The following DPH6 variants were observed in gnomAD, a reference collection of about 807,000 sequenced individuals.
DPH6 encodes diphthamine biosynthesis 6, also known as diphthine--ammonia ligase.
DPH6 carries 33 observed loss-of-function variants against 38.2 expected under a neutral mutation model. That is an observed-to-expected ratio of 0.86 (90% confidence interval 0.65 to 1.15). The LOEUF (loss-of-function observed/expected upper bound fraction) is 1.15, where lower values mean the gene tolerates loss of function less well. Ranked by LOEUF, DPH6 falls within the 50% of genes most tolerant of loss-of-function variation. The pLI, the probability that DPH6 is intolerant of heterozygous loss-of-function variation, is 0.00. For synonymous variants in DPH6, 108 were observed against 103.0 expected (o/e 1.05, Z -0.30); for missense variants, 325 against 320.0 (o/e 1.02, Z -0.12).
intron 3 of DPH6, among the ~76,000 whole-genome samples, chr15:35,455,675 G>A (rs1006594347): frequency 6.6e-6 from 1 of 152,168 alleles, no homozygotes; most frequent in Non-Finnish European, 1.5e-5. Flanking sequence ...CAATATGGGT[G>A]TAAACTAGGG....
intron 7 of DPH6, among the ~76,000 whole-genome samples, chr15:35,379,120 T>C (rs1446552674): frequency 6.6e-6 from 1 of 152,202 alleles, no homozygotes; most frequent in Admixed American, 6.5e-5. Context: ...GTCACTTGAG[T>C]CTACTTCCGT....
At chr15:35,425,064 T>TCG (rs2141020333) in intron 5 of DPH6, among the ~76,000 whole-genome samples, 1 of 151,738 alleles carries the variant, frequency 6.6e-6, no homozygotes, top group South Asian at 2.1e-4. Context: ...CACATATAGT[T>TCG]GAGACAGCAA....
the DPH6 span, among the ~76,000 whole-genome samples, chr15:35,197,747 G>A: frequency 6.6e-6 from 1 of 152,186 alleles, no homozygotes; most frequent in South Asian, 2.1e-4. Context: ...GCATTGGTCT[G>A]AGAAATAGCC....
chr15:35,245,382 G>A (rs192940881), intron 3 of DPH6, among the ~76,000 whole-genome samples: 4,815 of 151,820 alleles, frequency 0.032, 260 homozygotes, highest in African/African-American at 0.11. Context: ...GGGACTACAG[G>A]CGCCCGCCAC....
chr15:35,212,099 C>T, the DPH6 span, among the ~76,000 whole-genome samples: 3 of 152,132 alleles, frequency 2.0e-5, no homozygotes, highest in African/African-American at 4.8e-5. Flanking sequence ...TTTAGAAAGG[C>T]GCCCAGATAC....
At chr15:35,515,558 A>G (rs983974241) in intron 3 of DPH6, among the ~76,000 whole-genome samples, 1 of 151,866 alleles carries the variant, frequency 6.6e-6, no homozygotes, top group Non-Finnish European at 1.5e-5. Flanking sequence ...CGTCTCTACT[A>G]AAAATATAAA....
At chr15:35,518,598 T>C (rs145928721) in intron 3 of DPH6, among the ~76,000 whole-genome samples, 45 of 152,116 alleles carry the variant, frequency 3.0e-4, no homozygotes, top group Middle Eastern at 3.4e-3. Flanking sequence ...TTTTAAAAGT[T>C]TGGGAATGAG....
intron 4 of DPH6, among the ~76,000 whole-genome samples, chr15:35,452,066 CA>C (rs1301108763): frequency 6.6e-6 from 1 of 152,052 alleles, no homozygotes; most frequent in Non-Finnish European, 1.5e-5. Context: ...TTCCTCTGCT[CA>C]AAACCCTCCA....
chr15:35,480,048 A>G (rs941519190), intron 3 of DPH6, among the ~76,000 whole-genome samples: 1 of 152,052 alleles, frequency 6.6e-6, no homozygotes, highest in Non-Finnish European at 1.5e-5. Flanking sequence ...TGCTTTGTTT[A>G]AAAAAGTACT....
intron 6 of DPH6, chr15:35,400,827 G>A (rs2053207507): frequency 3.9e-6 from 3 of 768,224 alleles, no homozygotes; most frequent in Admixed American, 3.4e-5. Flanking sequence ...GTGTGATAAT[G>A]AGAGATCCAA....
At chr15:35,169,063 A>G in the DPH6 span, among the ~76,000 whole-genome samples, 3 of 152,136 alleles carry the variant, frequency 2.0e-5, no homozygotes, top group African/African-American at 7.2e-5. Context: ...CTGTATTTAA[A>G]CAAAAAGATA....
intron 3 of DPH6, among the ~76,000 whole-genome samples, chr15:35,253,577 TTGA>T (rs2051688536): frequency 6.6e-6 from 1 of 152,198 alleles, no homozygotes; most frequent in Non-Finnish European, 1.5e-5. Context: ...TGATCGACAT[TTGA>T]TGGTTTCAAA....
intron 3 of DPH6, among the ~76,000 whole-genome samples, chr15:35,310,967 G>A (rs763778567): frequency 6.6e-6 from 1 of 151,848 alleles, no homozygotes; most frequent in Non-Finnish European, 1.5e-5. Flanking sequence ...GCTGAGGCAG[G>A]AGAATCGCTT....
chr15:35,536,314 C>T (rs1043275275), intron 3 of DPH6, among the ~76,000 whole-genome samples: 8 of 151,890 alleles, frequency 5.3e-5, no homozygotes, highest in Middle Eastern at 3.4e-3. Flanking sequence ...TTAAAATATC[C>T]TATAGTAAAA....
At chr15:35,359,781 G>T (rs112177147) in intron 3 of DPH6, among the ~76,000 whole-genome samples, 6 of 152,054 alleles carry the variant, frequency 3.9e-5, no homozygotes, top group African/African-American at 1.4e-4. Flanking sequence ...CATTGTGTCT[G>T]TTTTTGGAGT....
the DPH6 span, among the ~76,000 whole-genome samples, chr15:35,192,154 G>C: frequency 1.1e-4 from 16 of 152,266 alleles, no homozygotes; most frequent in Admixed American, 3.3e-4. Flanking sequence ...ATTTAAGACA[G>C]GGTTAAACAT....
At chr15:35,432,312 C>T (rs537173639) in intron 5 of DPH6, among the ~76,000 whole-genome samples, 1 of 152,238 alleles carries the variant, frequency 6.6e-6, no homozygotes, top group Admixed American at 6.5e-5. Context: ...GCTAGTCTTC[C>T]TCTTTGGTAG....
rs559760328 is a variant in DPH6, at chr15:35,499,829, G to A, written c.312+38445C>T. ...ATAGGTAGAGGTATCATGCTGGCAA[G>A]CTTCCCATTTAACTCAGGAAGTAAC... is the stretch of plus-strand genomic sequence containing the variant. On this transcript the variant is annotated intron_variant, in intron 3 of 8. Transcript: ENST00000256538. Among the ~76,000 whole-genome samples, 36 of 152,310 alleles carry A rather than the reference G, an allele frequency of 2.4e-4. 1 individual carries two copies. The Middle Eastern group carries it at 0.01, about 43-fold the overall frequency.
chr15:35,239,379 G>A (rs1271160337), intron 3 of DPH6, among the ~76,000 whole-genome samples: 1 of 143,732 alleles, frequency 7.0e-6, no homozygotes, highest in Non-Finnish European at 1.5e-5. Flanking sequence ...CCCAAACTCC[G>A]GCGCCGGTCA....
Sources: gnomAD v4.1 joint callset for allele counts (sites outside exome capture counted in the v4.1 genomes callset) on GRCh38, gnomAD v4.1.1 for gene constraint, MANE v1.5 for transcripts, NCBI Gene and HGNC (gene_info 2026-07-23, HGNC 2026-07-21) for gene names.